IL1RAPL1: variants seen among roughly 807,000 people sequenced by gnomAD.
The protein encoded by IL1RAPL1 is interleukin-1 receptor accessory protein-like 1.
A neutral mutation model predicts 48.4 loss-of-function variants in IL1RAPL1; 3 were observed. That is an observed-to-expected ratio of 0.06 (90% confidence interval 0.03 to 0.16). The LOEUF (loss-of-function observed/expected upper bound fraction) is 0.16. Ranked by LOEUF, IL1RAPL1 falls within the 10% of genes least tolerant of loss-of-function variation. The pLI is 1.00. For synonymous variants in IL1RAPL1, 185 were observed against 187.7 expected, an observed-to-expected ratio of 0.99 and a Z score of 0.12; for missense variants, 349 against 530.6, an observed-to-expected ratio of 0.66 and a Z score of 3.36.
intron 6 of IL1RAPL1, among the ~76,000 whole-genome samples, chrX:29,692,707 C>A (rs1926805477): frequency 9.0e-6 from 1 of 111,313 alleles, no homozygotes; most frequent in Non-Finnish European, 1.9e-5. Context: ...CTTTATTTTT[C>A]CCAAGTTCCT....
intron 2 of IL1RAPL1, among the ~76,000 whole-genome samples, chrX:29,203,187 A>G (rs1334143988): frequency 9.0e-6 from 1 of 111,082 alleles, no homozygotes; most frequent in Non-Finnish European, 1.9e-5. Context: ...TGGACCATCT[A>G]TATGTGGTCA....
At chrX:29,588,723 A>C (rs1189281423) in intron 5 of IL1RAPL1, among the ~76,000 whole-genome samples, 1 of 112,217 alleles carries the variant, frequency 8.9e-6, no homozygotes, top group African/African-American at 3.2e-5. Flanking sequence ...GATATTTTCT[A>C]GTGATAAGTG....
chrX:28,900,589 T>A (rs953216769), intron 2 of IL1RAPL1, among the ~76,000 whole-genome samples: 1 of 112,113 alleles, frequency 8.9e-6, no homozygotes, highest in Non-Finnish European at 1.9e-5. Flanking sequence ...ATAAGAAAAA[T>A]GGAATGACAT....
At chrX:28,695,648 A>T (rs1935221762) in intron 1 of IL1RAPL1, among the ~76,000 whole-genome samples, 1 of 111,967 alleles carries the variant, frequency 8.9e-6, no homozygotes, top group Non-Finnish European at 1.9e-5. Flanking sequence ...ATTTTTAATG[A>T]TACGTTAAAA....
chrX:28,852,338 CT>C (rs11437442), intron 2 of IL1RAPL1, among the ~76,000 whole-genome samples: 122 of 101,516 alleles, frequency 1.2e-3, no homozygotes, highest in South Asian at 7.5e-3. Flanking sequence ...TAATCCATAA[CT>C]TTTTTTTTTT....
chrX:29,334,894 A>G (rs1190199563), intron 3 of IL1RAPL1, among the ~76,000 whole-genome samples: 39 of 112,903 alleles, frequency 3.5e-4, no homozygotes, highest in African/African-American at 1.3e-3. Flanking sequence ...CAGAGGCTGC[A>G]ATCTCGGCAC....
intron 5 of IL1RAPL1, among the ~76,000 whole-genome samples, chrX:29,666,154 T>G (rs148639691): frequency 0.021 from 2,394 of 111,368 alleles, 60 homozygotes; most frequent in African/African-American, 0.074. Context: ...ATTAAAGTTT[T>G]TTAACTACAA....
chrX:28,981,464 GT>G (rs760998649), intron 2 of IL1RAPL1, among the ~76,000 whole-genome samples: 2 of 111,090 alleles, frequency 1.8e-5, no homozygotes, highest in East Asian at 5.7e-4. Flanking sequence ...TAAAATAATT[GT>G]TTGCTAATAG....
chrX:29,881,128 T>C (rs1932021147), intron 6 of IL1RAPL1, among the ~76,000 whole-genome samples: 1 of 111,195 alleles, frequency 9.0e-6, no homozygotes, highest in Non-Finnish European at 1.9e-5. Flanking sequence ...GTCAGGTACC[T>C]ATGACCTGGA....
chrX:28,634,397 GTATACACGTATGTATACA>G (rs1934439135), intron 1 of IL1RAPL1, among the ~76,000 whole-genome samples: 1 of 107,896 alleles, frequency 9.3e-6, no homozygotes, highest in Non-Finnish European at 1.9e-5. Flanking sequence ...ACGTATATAC[GTATACACGTATGTATACA>G]TATATACGTA....
chrX:29,887,091 G>C (rs1932182841), intron 6 of IL1RAPL1, among the ~76,000 whole-genome samples: 1 of 111,471 alleles, frequency 9.0e-6, no homozygotes, highest in South Asian at 3.7e-4. Flanking sequence ...TGTTTCACTT[G>C]TACAAGAAAA....
chrX:29,586,014 TTTG>T (rs1035037050), intron 5 of IL1RAPL1, among the ~76,000 whole-genome samples: 2 of 111,706 alleles, frequency 1.8e-5, no homozygotes, highest in African/African-American at 6.5e-5. Context: ...TTGATTGTTT[TTTG>T]TTGTTGTTGT....
chrX:29,351,006 T>A (rs1333957655), intron 3 of IL1RAPL1, among the ~76,000 whole-genome samples: 1 of 111,726 alleles, frequency 9.0e-6, no homozygotes, highest in Non-Finnish European at 1.9e-5. Flanking sequence ...CTTACTCTAA[T>A]CTGCACGATC....
Position 29,087,136 on chromosome X carries a change from T to A in IL1RAPL1, c.83-195802T>A, listed in dbSNP as rs922930108. Among the ~76,000 whole-genome samples, 7 of 64,054 alleles carry A rather than the reference T, an allele frequency of 1.1e-4. No individual in the cohort carries two copies. In the South Asian group the frequency reaches 3.2e-3, roughly 29 times the overall value. 55.6% of individuals were successfully genotyped at this position (64,054 alleles called of 115,157 possible). A position where few individuals can be genotyped will look rare whatever the true frequency, so the allele number is the denominator to read the frequency against. ...ATGACAGAGGACATTATTTAAAAAT[T>A]TTTTTTTTTTTTTTTTTTTTGAGAC... On this transcript the variant is annotated intron_variant, in intron 2 of 10. Transcript: ENST00000378993.
chrX:29,859,810 G>C (rs180825487), intron 6 of IL1RAPL1, among the ~76,000 whole-genome samples: 1 of 111,094 alleles, frequency 9.0e-6, no homozygotes, highest in African/African-American at 3.3e-5. Flanking sequence ...ACACAGAAAG[G>C]GTCCTTAAAA....
intron 5 of IL1RAPL1, among the ~76,000 whole-genome samples, chrX:29,532,107 C>A (rs1379498323): frequency 9.0e-6 from 1 of 111,727 alleles, no homozygotes; most frequent in Non-Finnish European, 1.9e-5. Context: ...AACCCTAAAT[C>A]TTCTCCAAAA....
chrX:29,434,626 GAAT>G (rs1934460694), intron 5 of IL1RAPL1, among the ~76,000 whole-genome samples: 2 of 110,522 alleles, frequency 1.8e-5, no homozygotes, highest in African/African-American at 3.3e-5. Flanking sequence ...ATTTTGAGTG[GAAT>G]AATATATATT....
intron 6 of IL1RAPL1, among the ~76,000 whole-genome samples, chrX:29,737,531 G>C (rs777619464): frequency 2.1e-4 from 23 of 111,652 alleles, no homozygotes; most frequent in Non-Finnish European, 2.8e-4. Context: ...TAGGGTCCAT[G>C]ACATATTAGA....
Position 29,752,452 on chromosome X carries a change from C to A in IL1RAPL1, c.778+83948C>A, listed in dbSNP as rs977889865. ...CGGAGGTTGCAGTGAGCCGAGATTGCGCCACTGCACTCCAGCCTGGGCGAC... is the reference window on the plus strand; with the variant it reads ...CGGAGGTTGCAGTGAGCCGAGATTGAGCCACTGCACTCCAGCCTGGGCGAC... On this transcript the variant is annotated intron_variant, in intron 6 of 10. Coordinates refer to ENST00000378993, the MANE Select transcript of IL1RAPL1 (RefSeq NM_014271.4). 3.0e-5 allele frequency among the ~76,000 whole-genome samples: 3 copies of A among 101,366 alleles called. No homozygotes were observed. The Admixed American group carries it at 3.3e-4, about 11-fold the overall frequency. 88.0% of individuals were successfully genotyped at this position (101,366 alleles called of 115,157 possible). A position where few individuals can be genotyped will look rare whatever the true frequency, so the allele number is the denominator to read the frequency against.
Sources: gnomAD v4.1 joint callset for allele counts (sites outside exome capture counted in the v4.1 genomes callset) on GRCh38, gnomAD v4.1.1 for gene constraint, MANE v1.5 for transcripts, NCBI Gene and HGNC (gene_info 2026-07-23, HGNC 2026-07-21) for gene names.